The following PBX4 variants were observed in gnomAD, a reference collection of about 807,000 sequenced individuals.
PBX4 encodes the protein pre-B-cell leukemia transcription factor 4.
PBX4 carries 26 observed loss-of-function variants against 35.1 expected under a neutral mutation model. That is an observed-to-expected ratio of 0.74 (90% confidence interval 0.54 to 1.03). PBX4 has a LOEUF of 1.03. PBX4 is among the 50% of genes least tolerant of loss of function. The pLI is 0.00. For missense variants in PBX4, 448 were observed against 504.3 expected (o/e 0.89, Z 1.07); for synonymous variants, 199 against 204.2 (o/e 0.97, Z 0.22).
chr19:19,612,638 T>C (rs2061668588), intron 1 of PBX4, among the ~76,000 whole-genome samples: 1 of 152,134 alleles, frequency 6.6e-6, no homozygotes, highest in Admixed American at 6.6e-5. Flanking sequence ...GATTTTTGTC[T>C]GGACTTGAGT....
chr19:19,596,468 G>A (rs1053629679), intron 2 of PBX4, among the ~76,000 whole-genome samples: 10 of 152,214 alleles, frequency 6.6e-5, no homozygotes, highest in Admixed American at 6.5e-5. Flanking sequence ...GAATGTGTGC[G>A]CACGTGTGTG....
At chr19:19,576,312 G>A (rs551828225) in intron 2 of PBX4, among the ~76,000 whole-genome samples, 5 of 151,984 alleles carry the variant, frequency 3.3e-5, no homozygotes, top group Admixed American at 6.6e-5. Flanking sequence ...TGCAACCTCC[G>A]ACTCCTTGGT....
In PBX4 at chr19:19,562,526, C is replaced by T. The variant is rs1052060142; in HGVS notation, c.1033-409G>A. ...CTCTGAAACCTGGCCCAACACTGGC[C>T]TGGCTGGGCAGCAAGGAGGGTGGGA... On this transcript the variant is annotated intron_variant, in intron 7 of 7. Coordinates refer to ENST00000251203, the MANE Select transcript of PBX4 (RefSeq NM_025245.3). This position sits in a 1 kb window ranked among gnomAD's most constrained non-coding sequence, Gnocchi z 4.8. Among the ~76,000 whole-genome samples, 5 of 152,172 alleles carry T rather than the reference C, an allele frequency of 3.3e-5. No individual in the cohort carries two copies. The highest frequency in any genetic ancestry group is 7.3e-5 in the Non-Finnish European group (5 of 68,032).
chr19:19,570,998 C>A (rs985106781), intron 2 of PBX4, 165 bp from the exon 3 acceptor site: 20 of 876,884 alleles, frequency 2.3e-5, no homozygotes, highest in Non-Finnish European at 3.1e-5. Context: ...ACACTGAGCA[C>A]CCCGCTAAGA....
At chr19:19,588,303 A>T (rs2061503503) in intron 2 of PBX4, 1 of 1,104,256 alleles carries the variant, frequency 9.1e-7, no homozygotes, top group Non-Finnish European at 1.4e-6. Flanking sequence ...GAGTGCAGGG[A>T]CGCACATAGG....
intron 2 of PBX4, among the ~76,000 whole-genome samples, chr19:19,573,390 CT>C (rs2061399467): frequency 6.8e-6 from 1 of 147,820 alleles, no homozygotes; most frequent in Non-Finnish European, 1.5e-5. Flanking sequence ...AGTGTCCCAC[CT>C]TCTCCAAAAC....
chr19:19,581,205 G>A (rs2061452186), intron 2 of PBX4, among the ~76,000 whole-genome samples: 1 of 152,206 alleles, frequency 6.6e-6, no homozygotes. Context: ...CACAACTTTT[G>A]GCCTTACTGA....
chr19:19,586,922 T>A (rs1057209283), intron 2 of PBX4, among the ~76,000 whole-genome samples: 4 of 151,674 alleles, frequency 2.6e-5, no homozygotes, highest in African/African-American at 9.7e-5. Flanking sequence ...CAGAGTGAGA[T>A]TCCGTCTCAA....
intron 1 of PBX4, among the ~76,000 whole-genome samples, chr19:19,613,025 G>A (rs945226685): frequency 7.9e-5 from 12 of 151,780 alleles, no homozygotes; most frequent in South Asian, 2.1e-4. Flanking sequence ...GTTTCTCCAC[G>A]TTGCACAGGC....
In PBX4 at chr19:19,561,818, A is replaced by T; in HGVS notation, c.*207T>A. 1.1e-5 allele frequency: 5 copies of T among 474,146 alleles called. No homozygotes were observed. In the South Asian group the frequency reaches 1.8e-4, roughly 17 times the overall value. The allele number at this position is 474,146 out of a possible 1,614,324, so 29.4% of individuals were successfully genotyped here. A position where few individuals can be genotyped will look rare whatever the true frequency, so the allele number is the denominator to read the frequency against. ...AATTACTGTCAAAAAAACGAACTGAAGTGGGAGAATGAGTGGCGTTTCAGG... is the reference window on the plus strand; with the variant it reads ...AATTACTGTCAAAAAAACGAACTGATGTGGGAGAATGAGTGGCGTTTCAGG... On this transcript the variant is annotated 3_prime_UTR_variant, in exon 8 of 8. Coordinates refer to ENST00000251203, the MANE Select transcript of PBX4 (RefSeq NM_025245.3).
rs181763423 is a variant in PBX4, at chr19:19,611,272, C to T, written c.119+7239G>A. 4.0e-4 allele frequency among the ~76,000 whole-genome samples: 61 copies of T among 152,264 alleles called. 1 individual carries two copies. The East Asian group carries it at 8.5e-3, about 21-fold the overall frequency. On this transcript the variant is annotated intron_variant, in intron 1 of 7. Transcript: ENST00000251203. ...AGTCAAAATCACTTCATTATCTCCCCTTCATAATAGGAATTTAATCCATAT... is the reference window on the plus strand; with the variant it reads ...AGTCAAAATCACTTCATTATCTCCCTTTCATAATAGGAATTTAATCCATAT...
At chr19:19,581,492 G>A (rs1258555417) in intron 2 of PBX4, among the ~76,000 whole-genome samples, 1 of 152,214 alleles carries the variant, frequency 6.6e-6, no homozygotes, top group Non-Finnish European at 1.5e-5. Flanking sequence ...CTTCCCCTCT[G>A]CGTCATTACT....
Position 19,562,255 on chromosome 19 carries a change from A to G in PBX4, c.1033-138T>C. ...CCACAGATGACCTCCAGCTCAGTGGAGGAGGGAAGGGATGGAGGGGTCGGT... is the reference window on the plus strand; with the variant it reads ...CCACAGATGACCTCCAGCTCAGTGGGGGAGGGAAGGGATGGAGGGGTCGGT... On this transcript the variant is annotated intron_variant, in intron 7 of 7. Transcript: ENST00000251203. The surrounding 1 kb of genome is among the most constrained non-coding windows in gnomAD (Gnocchi z 4.8). The G allele has an allele frequency of 1.6e-6, 1 of 610,156 alleles. No individual in the cohort carries two copies. The highest frequency in any genetic ancestry group is 3.0e-5 in the East Asian group (1 of 32,794). 37.8% of individuals were successfully genotyped at this position (610,156 alleles called of 1,614,324 possible).
chr19:19,618,121 A>C (rs2061697744), intron 1 of PBX4, among the ~76,000 whole-genome samples: 1 of 152,116 alleles, frequency 6.6e-6, no homozygotes, highest in African/African-American at 2.4e-5. Context: ...TGATCACGCC[A>C]CTGCACTCCA....
intron 1 of PBX4, among the ~76,000 whole-genome samples, chr19:19,610,381 C>T (rs184490217): frequency 4.9e-4 from 74 of 151,820 alleles, no homozygotes; most frequent in African/African-American, 1.7e-3. Flanking sequence ...CCATTGCACT[C>T]CAGCCTGGGT....
chr19:19,601,060 G>C (rs1055253446), intron 1 of PBX4, among the ~76,000 whole-genome samples: 4 of 152,190 alleles, frequency 2.6e-5, no homozygotes, highest in African/African-American at 9.6e-5. Flanking sequence ...AGTTAAGAGG[G>C]AGGGAGTGAG....
chr19:19,590,320 G>C (rs573950169), intron 2 of PBX4, among the ~76,000 whole-genome samples: 1 of 152,176 alleles, frequency 6.6e-6, no homozygotes, highest in Non-Finnish European at 1.5e-5. Context: ...CACACAGCAT[G>C]TGATGTGACA....
intron 1 of PBX4, among the ~76,000 whole-genome samples, chr19:19,618,084 C>T (rs1221737267): frequency 1.3e-5 from 2 of 152,182 alleles, no homozygotes; most frequent in East Asian, 1.9e-4. Flanking sequence ...TCAACTGAGC[C>T]GGGGAGGTGG....
At position 19,592,067 on chromosome 19, in the gene PBX4, G is replaced by T. The variant is rs1170589281; in HGVS notation, c.193+7225C>A. Among the ~76,000 whole-genome samples the T allele has an allele frequency of 3.3e-5, 5 of 151,408 alleles. No individual in the cohort carries two copies. The East Asian group carries it at 5.8e-4, about 18-fold the overall frequency. On this transcript the variant is annotated intron_variant, in intron 2 of 7. Transcript: ENST00000251203. The stretch of plus-strand genomic sequence containing the variant: ...GTAGAGATGGGTGGGTGAGGGAGGT[G>T]GGGGGGTGGTTCACCATATTGGCCA...
Sources: allele counts gnomAD v4.1 joint callset (sites outside exome capture counted in the v4.1 genomes callset), GRCh38; gene constraint gnomAD v4.1.1; non-coding constraint Gnocchi (gnomAD v3.1); transcripts MANE v1.5; gene names NCBI Gene and HGNC (gene_info 2026-07-23, HGNC 2026-07-21).